Variants in PGCKA1 observed in about 807,000 individuals in gnomAD.
PGCKA1 encodes the protein PDCD10 and GCKIII kinases-associated protein 1.
At chr4:37,496,001 C>CA in the PGCKA1 span, among the ~76,000 whole-genome samples, 1 of 151,948 alleles carries the variant, frequency 6.6e-6, no homozygotes, top group African/African-American at 2.4e-5. Context: ...GCATAGTTGG[C>CA]AAAAAAATTT....
At chr4:37,460,543 T>C in the PGCKA1 span, 1 of 453,510 alleles carries the variant, frequency 2.2e-6, no homozygotes, top group Non-Finnish European at 4.4e-6. Context: ...ACTGGTATGC[T>C]GTGGAATCTC....
At chr4:37,506,461 C>T in the PGCKA1 span, among the ~76,000 whole-genome samples, 1 of 151,878 alleles carries the variant, frequency 6.6e-6, no homozygotes, top group East Asian at 1.9e-4. Context: ...AGCTTTTGGT[C>T]TGTTGTGTTT....
chr4:37,535,094 A>T, the PGCKA1 span, among the ~76,000 whole-genome samples: 1 of 152,224 alleles, frequency 6.6e-6, no homozygotes, highest in African/African-American at 2.4e-5. Context: ...CATCCAGGGT[A>T]CTTTCCGGAA....
At chr4:37,551,908 T>C in the PGCKA1 span, among the ~76,000 whole-genome samples, 1 of 152,278 alleles carries the variant, frequency 6.6e-6, no homozygotes, top group Admixed American at 6.5e-5. Context: ...ATCAATCTAT[T>C]GCACAAAAAG....
chr4:37,561,729 C>A, the PGCKA1 span, among the ~76,000 whole-genome samples: 1 of 152,224 alleles, frequency 6.6e-6, no homozygotes, highest in Non-Finnish European at 1.5e-5. Flanking sequence ...GAATACTGCA[C>A]AATTGCTCTC....
the PGCKA1 span, among the ~76,000 whole-genome samples, chr4:37,467,022 C>T: frequency 2.0e-5 from 3 of 152,092 alleles, no homozygotes; most frequent in East Asian, 1.9e-4. Context: ...CGCTTCAACC[C>T]GGGAGGCAGA....
chr4:37,474,611 T>C, the PGCKA1 span, among the ~76,000 whole-genome samples: 78,827 of 152,058 alleles, frequency 0.52, 20,787 homozygotes, highest in Admixed American at 0.57. Context: ...ATGGTTTCTT[T>C]GTCAAAAGGG....
chr4:37,556,851 A>G, the PGCKA1 span, among the ~76,000 whole-genome samples: 1 of 152,230 alleles, frequency 6.6e-6, no homozygotes, highest in African/African-American at 2.4e-5. Context: ...TGAATTGTGA[A>G]TACTATGATA....
At chr4:37,496,651 T>C in the PGCKA1 span, among the ~76,000 whole-genome samples, 2 of 152,220 alleles carry the variant, frequency 1.3e-5, no homozygotes, top group Non-Finnish European at 2.9e-5. Context: ...ATGTCATTGG[T>C]AGTTTGACAG....
At chr4:37,564,985 G>C in the PGCKA1 span, among the ~76,000 whole-genome samples, 2 of 136,138 alleles carry the variant, frequency 1.5e-5, no homozygotes, top group African/African-American at 5.9e-5. Context: ...CACACACACA[G>C]ACACACACAC....
At chr4:37,491,492 G>C in the PGCKA1 span, among the ~76,000 whole-genome samples, 1 of 152,052 alleles carries the variant, frequency 6.6e-6, no homozygotes, top group Non-Finnish European at 1.5e-5. Flanking sequence ...TGTTTTTCTT[G>C]TGCATTTTTT....
At chr4:37,518,405 C>T in the PGCKA1 span, among the ~76,000 whole-genome samples, 355 of 152,284 alleles carry the variant, frequency 2.3e-3, 3 homozygotes, top group African/African-American at 8.3e-3. Flanking sequence ...ATGCAGGTTC[C>T]CTTTTCTCAA....
the PGCKA1 span, among the ~76,000 whole-genome samples, chr4:37,457,546 G>A: frequency 6.6e-6 from 1 of 152,170 alleles, no homozygotes; most frequent in East Asian, 1.9e-4. Context: ...TCTACACACA[G>A]GAGTTTTGAA....
the PGCKA1 span, among the ~76,000 whole-genome samples, chr4:37,534,673 A>T: frequency 6.6e-6 from 1 of 152,182 alleles, no homozygotes; most frequent in Non-Finnish European, 1.5e-5. Context: ...GCTTGCTGTC[A>T]CCCATAAATG....
the PGCKA1 span, among the ~76,000 whole-genome samples, chr4:37,577,118 C>T: frequency 1.7e-3 from 265 of 152,062 alleles, 1 homozygote; most frequent in Non-Finnish European, 2.9e-3. Flanking sequence ...TGAAAATATT[C>T]CCTCCTCCTC....
the PGCKA1 span, among the ~76,000 whole-genome samples, chr4:37,573,580 A>G: frequency 1.3e-5 from 2 of 152,226 alleles, no homozygotes; most frequent in African/African-American, 4.8e-5. Flanking sequence ...TCATTTTGTA[A>G]CTGGCTTTTT....
the PGCKA1 span, among the ~76,000 whole-genome samples, chr4:37,474,669 T>C: frequency 2.0e-5 from 3 of 152,190 alleles, no homozygotes; most frequent in Admixed American, 1.3e-4. Flanking sequence ...CTAGGTACTT[T>C]AGGTGATTTG....
At chr4:37,563,933 G>T in the PGCKA1 span, among the ~76,000 whole-genome samples, 2 of 152,036 alleles carry the variant, frequency 1.3e-5, no homozygotes, top group Non-Finnish European at 1.5e-5. Context: ...TCAAAACATT[G>T]CCCATTTCTA....
the PGCKA1 span, among the ~76,000 whole-genome samples, chr4:37,506,800 G>A: frequency 6.6e-6 from 1 of 151,998 alleles, no homozygotes; most frequent in African/African-American, 2.4e-5. Flanking sequence ...ATTCCATTTG[G>A]TCTATAATGC....
Sources: allele counts gnomAD v4.1 joint callset (sites outside exome capture counted in the v4.1 genomes callset), GRCh38; gene constraint gnomAD v4.1.1; transcripts MANE v1.5; gene names NCBI Gene and HGNC (gene_info 2026-07-23, HGNC 2026-07-21).